The following MAGI2 variants were observed in gnomAD, a reference collection of about 807,000 sequenced individuals.
The protein encoded by MAGI2 is membrane-associated guanylate kinase, WW and PDZ domain-containing protein 2.
In MAGI2, 35 loss-of-function variants were observed where a neutral mutation model predicts 133.3. The observed-to-expected ratio is 0.26, with a 90% CI of 0.20 to 0.35. The LOEUF (loss-of-function observed/expected upper bound fraction) is 0.35. Ranked by LOEUF, MAGI2 falls within the 10% of genes least tolerant of loss-of-function variation. The pLI, the probability that MAGI2 is intolerant of heterozygous loss-of-function variation, is 1.00. For missense variants in MAGI2, 1,636 were observed against 1,863.4 expected (o/e 0.88, Z 2.25); for synonymous variants, 729 against 710.6 (o/e 1.03, Z -0.41).
At chr7:79,136,003 G>GAAAGGGAAAGAAAGAAAGAA (rs749343638) in intron 1 of MAGI2, among the ~76,000 whole-genome samples, 2 of 40,890 alleles carry the variant, frequency 4.9e-5, no homozygotes, top group African/African-American at 1.8e-4. Flanking sequence ...AAGAAAGAAA[G>GAAAGGGAAAGAAAGAAAGAA]AGAAAGAAAG....
intron 9 of MAGI2, among the ~76,000 whole-genome samples, chr7:78,315,598 G>A (rs1787332672): frequency 6.6e-6 from 1 of 152,100 alleles, no homozygotes; most frequent in South Asian, 2.1e-4. Context: ...TGAACATTAT[G>A]CCAGAAACTC....
intron 1 of MAGI2, among the ~76,000 whole-genome samples, chr7:79,145,720 G>T (rs1311424465): frequency 6.6e-6 from 1 of 152,150 alleles, no homozygotes; most frequent in Non-Finnish European, 1.5e-5. Flanking sequence ...AATCTCCAGG[G>T]ATTTTAATTT....
At chr7:78,480,777 A>T (rs1437941011) in intron 6 of MAGI2, among the ~76,000 whole-genome samples, 1 of 151,986 alleles carries the variant, frequency 6.6e-6, no homozygotes, top group Non-Finnish European at 1.5e-5. Context: ...TATTCTAACA[A>T]CAAACATACA....
chr7:79,045,087 G>A (rs1812050073), intron 1 of MAGI2, among the ~76,000 whole-genome samples: 1 of 152,142 alleles, frequency 6.6e-6, no homozygotes, highest in Non-Finnish European at 1.5e-5. Flanking sequence ...AGGAACACAT[G>A]GATGAATTTC....
At chr7:79,111,894 C>T (rs1252281842) in intron 1 of MAGI2, among the ~76,000 whole-genome samples, 2 of 151,614 alleles carry the variant, frequency 1.3e-5, no homozygotes, top group Non-Finnish European at 2.9e-5. Context: ...GTCTTGATCT[C>T]CTGACCTCGT....
intron 16 of MAGI2, among the ~76,000 whole-genome samples, chr7:78,152,757 T>C (rs3735444): frequency 0.19 from 29,114 of 152,146 alleles, 2,933 homozygotes; most frequent in East Asian, 0.34. Context: ...TTTATATAGG[T>C]TCCCCACCCC....
In MAGI2 at chr7:78,274,108, G is replaced by A. The variant is rs565588256; in HGVS notation, c.1409-17527C>T. On this transcript the variant is annotated intron_variant, in intron 9 of 21. Transcript: ENST00000354212. ...TTGGTCCTTGATGTTGGGGACCTTC[G>A]GATGGAGTTTCTGAGTGGATGTGCT... Among the ~76,000 whole-genome samples the A allele has an allele frequency of 4.6e-5, 7 of 152,190 alleles. No individual in the cohort carries two copies. The East Asian group carries it at 1.2e-3, about 25-fold the overall frequency.
chr7:79,071,626 AT>A (rs34186484), intron 1 of MAGI2, among the ~76,000 whole-genome samples: 8,279 of 146,356 alleles, frequency 0.057, 344 homozygotes, highest in East Asian at 0.12. Flanking sequence ...GCTTCCTGCA[AT>A]TTTTTTTTTT....
At chr7:78,162,329 C>T (rs1584211876) in intron 15 of MAGI2, among the ~76,000 whole-genome samples, 1 of 145,636 alleles carries the variant, frequency 6.9e-6, no homozygotes, top group East Asian at 2.0e-4. Flanking sequence ...ATCGAGACCA[C>T]GGTGAAACCC....
In MAGI2 at chr7:79,275,147, T is replaced by C. The variant is rs141127066; in HGVS notation, c.301+177873A>G. Among the ~76,000 whole-genome samples, 326 of 152,262 alleles carry C rather than the reference T, an allele frequency of 2.1e-3. 1 individual carries two copies. Among genetic ancestry groups the C allele is most frequent in the African/African-American group, 7.7e-3 (320 of 41,552 alleles). On this transcript the variant is annotated intron_variant, in intron 1 of 21. Coordinates refer to ENST00000354212, the MANE Select transcript of MAGI2 (RefSeq NM_012301.4). ...AAGTCAAAAAGTAGAAATGATTAAG[T>C]AGTAAAGATGGCATATCTAGTGATG...
intron 10 of MAGI2, among the ~76,000 whole-genome samples, chr7:78,232,298 T>G (rs937196801): frequency 6.6e-6 from 1 of 152,194 alleles, no homozygotes; most frequent in Non-Finnish European, 1.5e-5. Flanking sequence ...AAATAGAATT[T>G]GAAAGTCATA....
rs6967067 is a variant in MAGI2 at position 79,385,264 on chromosome 7, A to G, written c.301+67756T>C. On this transcript the variant is annotated intron_variant, in intron 1 of 21. Coordinates refer to ENST00000354212, the MANE Select transcript of MAGI2 (RefSeq NM_012301.4). ...TAAATGTAAGGCTGTAATAAAAAAC[A>G]TAAGTGGATGGTTTCTGAACCTGGA... Among the ~76,000 whole-genome samples the G allele has an allele frequency of 8.7e-3, 1,322 of 152,006 alleles. 17 individuals carry two copies. The highest frequency in any genetic ancestry group is 0.031 in the African/African-American group (1,295 of 41,522).
intron 3 of MAGI2, among the ~76,000 whole-genome samples, chr7:78,553,831 T>C (rs1203083541): frequency 1.3e-5 from 2 of 152,100 alleles, no homozygotes; most frequent in Non-Finnish European, 2.9e-5. Flanking sequence ...CTATGACACA[T>C]TGCTTCCTAT....
At chr7:79,374,386 T>G (rs1364018139) in intron 1 of MAGI2, among the ~76,000 whole-genome samples, 1 of 151,380 alleles carries the variant, frequency 6.6e-6, no homozygotes, top group Non-Finnish European at 1.5e-5. Flanking sequence ...AAGATGGCCA[T>G]GTACAAGTCA....
chr7:78,351,291 G>A (rs1791484352), intron 7 of MAGI2, among the ~76,000 whole-genome samples: 1 of 152,074 alleles, frequency 6.6e-6, no homozygotes, highest in Non-Finnish European at 1.5e-5. Flanking sequence ...CAGATTGCCT[G>A]AGCATAGGAG....
chr7:78,756,778 G>T (rs746580737), intron 2 of MAGI2, among the ~76,000 whole-genome samples: 1 of 152,008 alleles, frequency 6.6e-6, no homozygotes, highest in Non-Finnish European at 1.5e-5. Flanking sequence ...TACCCACCCA[G>T]CTTGAATTCT....
At chr7:78,237,849 T>G (rs368861030) in intron 10 of MAGI2, among the ~76,000 whole-genome samples, 6 of 152,198 alleles carry the variant, frequency 3.9e-5, no homozygotes, top group African/African-American at 1.4e-4. Context: ...AAAGAAGCTT[T>G]GTTTTCAAGT....
At chr7:78,243,959 A>G (rs1486712418) in intron 10 of MAGI2, among the ~76,000 whole-genome samples, 1 of 151,938 alleles carries the variant, frequency 6.6e-6, no homozygotes, top group African/African-American at 2.4e-5. Flanking sequence ...TTATTTATAA[A>G]TAAATTAGTA....
rs565763354 is a variant in MAGI2 at position 78,733,069 on chromosome 7, AATAATAAAT to A, written c.419-105839_419-105831del. ...AACAGGATTAGAGCTTTAAAAACAT[AATAATAAAT>A]TCTCAAAATAGAAGATTAAATTGGG... On this transcript the variant is annotated intron_variant, in intron 2 of 21. Coordinates refer to ENST00000354212, the MANE Select transcript of MAGI2 (RefSeq NM_012301.4). Among the ~76,000 whole-genome samples the A allele has an allele frequency of 2.1e-3, 319 of 152,298 alleles. 2 individuals carry two copies. Among genetic ancestry groups the A allele is most frequent in the African/African-American group, 7.5e-3 (312 of 41,560 alleles).
Sources: allele counts gnomAD v4.1 joint callset (sites outside exome capture counted in the v4.1 genomes callset), GRCh38; gene constraint gnomAD v4.1.1; transcripts MANE v1.5; gene names NCBI Gene and HGNC (gene_info 2026-07-23, HGNC 2026-07-21).